Variants in FCHSD2 observed in about 807,000 individuals in gnomAD.
FCHSD2 encodes FCH and double SH3 domains 2.
In FCHSD2, 38 loss-of-function variants were observed where a neutral mutation model predicts 108.1. That is an observed-to-expected ratio of 0.35 (90% CI 0.27 to 0.46). The LOEUF (loss-of-function observed/expected upper bound fraction) is 0.46. FCHSD2 is among the 20% of genes least tolerant of loss of function. The pLI is 1.00. For synonymous variants in FCHSD2, 279 were observed against 314.7 expected (o/e 0.89, Z 1.20); for missense variants, 751 against 897.8 (o/e 0.84, Z 2.09).
chr11:72,973,787 G>A (rs975865935), intron 8 of FCHSD2, among the ~76,000 whole-genome samples: 1 of 152,230 alleles, frequency 6.6e-6, no homozygotes, highest in Non-Finnish European at 1.5e-5. Flanking sequence ...ACTAAGGCCT[G>A]TAGGCCAAAT....
At chr11:72,990,325 G>A (rs546860339) in intron 5 of FCHSD2, among the ~76,000 whole-genome samples, 4 of 152,240 alleles carry the variant, frequency 2.6e-5, no homozygotes, top group Admixed American at 6.5e-5. Context: ...TAGGCAAACT[G>A]CATCAATTTG....
At chr11:73,064,688 C>T (rs1179966572) in intron 3 of FCHSD2, among the ~76,000 whole-genome samples, 1 of 151,956 alleles carries the variant, frequency 6.6e-6, no homozygotes, top group Admixed American at 6.6e-5. Flanking sequence ...ACCACTGATC[C>T]CATAGAAATA....
intron 8 of FCHSD2, among the ~76,000 whole-genome samples, chr11:72,924,172 T>C (rs1856029256): frequency 6.6e-6 from 1 of 152,186 alleles, no homozygotes; most frequent in South Asian, 2.1e-4. Context: ...AACTTCTGGG[T>C]TCCAGTAATC....
At chr11:73,060,457 T>C (rs1859134162) in intron 3 of FCHSD2, among the ~76,000 whole-genome samples, 1 of 152,238 alleles carries the variant, frequency 6.6e-6, no homozygotes, top group Non-Finnish European at 1.5e-5. Flanking sequence ...TTATTTGTCT[T>C]GTGCTCCTTC....
At chr11:72,886,929 T>A (rs1355933563) in intron 12 of FCHSD2, among the ~76,000 whole-genome samples, 1 of 152,020 alleles carries the variant, frequency 6.6e-6, no homozygotes, top group East Asian at 1.9e-4. Context: ...CCCTCAAAGG[T>A]CCCATGACTC....
chr11:72,899,629 C>T (rs1210176066), intron 10 of FCHSD2, among the ~76,000 whole-genome samples: 2 of 146,574 alleles, frequency 1.4e-5, no homozygotes, highest in East Asian at 2.1e-4. Context: ...CCCAGTTACT[C>T]GGGAAGCTGA....
intron 8 of FCHSD2, chr11:72,941,148 T>C (rs1415427224): frequency 2.3e-6 from 1 of 427,994 alleles, no homozygotes; most frequent in East Asian, 3.9e-5. Flanking sequence ...ACCTCATAAT[T>C]TAGGACAGTC....
intron 12 of FCHSD2, among the ~76,000 whole-genome samples, chr11:72,881,678 C>T (rs1427563910): frequency 1.3e-5 from 2 of 152,096 alleles, no homozygotes; most frequent in African/African-American, 4.8e-5. Flanking sequence ...TATATACACA[C>T]AATGGAATAC....
intron 2 of FCHSD2, among the ~76,000 whole-genome samples, chr11:73,106,666 T>C (rs940769254): frequency 2.0e-5 from 3 of 152,028 alleles, no homozygotes; most frequent in Non-Finnish European, 2.9e-5. Context: ...CATATACAAG[T>C]GGGGTCCCCA....
chr11:73,121,174 TACACAC>T (rs34381314), intron 2 of FCHSD2, among the ~76,000 whole-genome samples: 7 of 148,656 alleles, frequency 4.7e-5, no homozygotes, highest in Admixed American at 1.3e-4. Context: ...CACATACACA[TACACAC>T]ACACACACAC....
chr11:73,030,422 T>C (rs1858331843), intron 3 of FCHSD2, among the ~76,000 whole-genome samples: 1 of 152,118 alleles, frequency 6.6e-6, no homozygotes, highest in Non-Finnish European at 1.5e-5. Context: ...TTACCATACA[T>C]AAATGTATCC....
intron 12 of FCHSD2, among the ~76,000 whole-genome samples, chr11:72,875,456 C>T (rs1184575035): frequency 6.6e-6 from 1 of 152,132 alleles, no homozygotes; most frequent in East Asian, 1.9e-4. Flanking sequence ...TTGGATTTCT[C>T]CTGAGCAGTT....
chr11:73,135,943 ACTT>A (rs1861111213), intron 2 of FCHSD2, among the ~76,000 whole-genome samples: 1 of 152,108 alleles, frequency 6.6e-6, no homozygotes, highest in Non-Finnish European at 1.5e-5. Context: ...TGGGAGAATC[ACTT>A]GAGCCCAGGA....
chr11:73,023,584 G>A (rs1276461177), intron 3 of FCHSD2, among the ~76,000 whole-genome samples: 2 of 152,138 alleles, frequency 1.3e-5, no homozygotes, highest in Admixed American at 1.3e-4. Context: ...AACGGTGGTG[G>A]GAATGCAAAA....
At chr11:72,958,674 A>T (rs1856761791) in intron 8 of FCHSD2, among the ~76,000 whole-genome samples, 1 of 152,210 alleles carries the variant, frequency 6.6e-6, no homozygotes, top group South Asian at 2.1e-4. Flanking sequence ...TTCTCCTTTT[A>T]TTAAAAATCT....
intron 5 of FCHSD2, among the ~76,000 whole-genome samples, chr11:72,996,161 TG>T (rs1445117722): frequency 6.6e-6 from 1 of 152,216 alleles, no homozygotes; most frequent in Non-Finnish European, 1.5e-5. Context: ...TATTAAGCTT[TG>T]TTTTAAAAGC....
chr11:73,141,767 G>T, intron 1 of FCHSD2, 90 bp downstream of exon 1: 1 of 1,381,836 alleles, frequency 7.2e-7, no homozygotes, highest in Non-Finnish European at 9.8e-7. Flanking sequence ...ACGGCCCCTT[G>T]CGGGAGGGGG....
chr11:73,129,534 T>C (rs1436860449), intron 2 of FCHSD2, among the ~76,000 whole-genome samples: 1 of 152,210 alleles, frequency 6.6e-6, no homozygotes. Context: ...GAGAATCTAA[T>C]GCCTGATGAT....
chr11:72,972,564 T>C (rs982087924), intron 8 of FCHSD2, among the ~76,000 whole-genome samples: 4 of 152,198 alleles, frequency 2.6e-5, no homozygotes, highest in African/African-American at 9.7e-5. Context: ...AAAGATTCCA[T>C]GTAGGAGTTT....
Sources: allele counts gnomAD v4.1 joint callset (sites outside exome capture counted in the v4.1 genomes callset), GRCh38; gene constraint gnomAD v4.1.1; transcripts MANE v1.5; gene names NCBI Gene and HGNC (gene_info 2026-07-23, HGNC 2026-07-21).